The following IL10RB variants were observed in gnomAD, a reference collection of about 807,000 sequenced individuals.
IL10RB encodes the protein interleukin-10 receptor subunit beta.
Under a neutral mutation model 38.7 loss-of-function variants are expected in IL10RB, and 30 were observed. The observed-to-expected ratio is 0.78, with a 90% CI of 0.58 to 1.05. IL10RB has a LOEUF of 1.05. Among genes scored for constraint, IL10RB ranks in the 50% least tolerant of loss-of-function variants. IL10RB has a pLI of 0.00. For missense variants in IL10RB, 328 were observed against 397.1 expected (o/e 0.83, Z 1.48); for synonymous variants, 142 against 145.9 (o/e 0.97, Z 0.19).
rs531973934 is a variant in IL10RB, at chr21:33,286,370, C to T, written c.647-1734C>T. 7.9e-5 allele frequency among the ~76,000 whole-genome samples: 12 copies of T among 152,184 alleles called. No homozygotes were observed. The East Asian group carries it at 1.4e-3, about 17-fold the overall frequency. ...GAGCCAAATGCTGTGCTCGTGAGGG[C>T]GGTGCTGGTTGGCAGGGGATGGGCA... On this transcript the variant is annotated intron_variant, in intron 5 of 6. Transcript: ENST00000290200.
chr21:33,274,721 A>C (rs1163959791), intron 2 of IL10RB, among the ~76,000 whole-genome samples: 3 of 152,216 alleles, frequency 2.0e-5, no homozygotes. Flanking sequence ...CTGTAAACAG[A>C]TGTGCCGTCC....
At chr21:33,302,347 T>TGG (rs1255101559) in intron 1 of IL10RB, among the ~76,000 whole-genome samples, 1 of 152,252 alleles carries the variant, frequency 6.6e-6, no homozygotes, top group Non-Finnish European at 1.5e-5. Context: ...AAATGGAAGC[T>TGG]GGGGGTTCCC....
rs540806869 is a variant in IL10RB, at chr21:33,268,091, G to A, written c.50-303G>A. On this transcript the variant is annotated intron_variant, in intron 1 of 6. Transcript: ENST00000290200. ...CAGGAAGTCTCCAGTTTGTTTTTAC[G>A]TCTGGAAATATATCTGAAATCCATG... The A allele has an allele frequency of 4.1e-4, 246 of 596,644 alleles. 1 individual carries two copies. The highest frequency in any genetic ancestry group is 3.8e-3 in the African/African-American group (202 of 52,756). The allele number at this position is 596,644 out of a possible 1,614,324, so 37.0% of individuals were successfully genotyped here. A position where few individuals can be genotyped will look rare whatever the true frequency, so the allele number is the denominator to read the frequency against.
intron 1 of IL10RB, 109 bp downstream of exon 1, chr21:33,266,623 G>C: frequency 1.8e-6 from 2 of 1,115,490 alleles, no homozygotes; most frequent in Non-Finnish European, 2.6e-6. Context: ...AGCCTTCGGG[G>C]CCTCGGGAGA....
intron 1 of IL10RB, among the ~76,000 whole-genome samples, chr21:33,303,111 G>GGAGCC (rs368048443): frequency 2.0e-5 from 3 of 152,260 alleles, no homozygotes; most frequent in African/African-American, 7.2e-5. Context: ...TAGGGAAGGG[G>GGAGCC]GAGCCACGAA....
chr21:33,294,390 CGTGT>C (rs34889428), intron 6 of IL10RB, among the ~76,000 whole-genome samples: 7 of 148,888 alleles, frequency 4.7e-5, no homozygotes, highest in African/African-American at 9.9e-5. Context: ...TGTGTGTGTG[CGTGT>C]GTGTGTGTGT....
rs764413783 is a variant in IL10RB, at chr21:33,283,214, C to G, written c.619C>G (p.Pro207Ala). Reference sequence around the variant, plus strand: ...GAACAAAGCTGGGGAATGGAGTGAGCCTGTCTGTGAGCAAACAACCCATGA... The same window carrying G: ...GAACAAAGCTGGGGAATGGAGTGAGGCTGTCTGTGAGCAAACAACCCATGA... ...DRNKAGEWSE[P>A]VCEQTTHDET... The change falls in exon 5 of 7, where the codon CCT becomes GCT. Residue 207 changes from proline to alanine, a missense_variant. Transcript: ENST00000290200. 6.2e-7 allele frequency: 1 copy of G among 1,613,892 alleles called. No homozygotes were observed. The highest frequency in any genetic ancestry group is 2.2e-5 in the East Asian group (1 of 44,894).
At chr21:33,301,986 T>C (rs901159779), downstream of IL10RB, among the ~76,000 whole-genome samples, 1 of 152,166 alleles carries the variant, frequency 6.6e-6, no homozygotes, top group African/African-American at 2.4e-5. Flanking sequence ...CTTCTACCCA[T>C]GGAAAGCGAC....
chr21:33,286,830 A>T (rs187235470), intron 5 of IL10RB, among the ~76,000 whole-genome samples: 478 of 152,258 alleles, frequency 3.1e-3, no homozygotes, highest in Non-Finnish European at 5.0e-3. Context: ...TCCAGCCTGG[A>T]CAACAGAACA....
intron 4 of IL10RB, among the ~76,000 whole-genome samples, chr21:33,281,581 T>G (rs1234693965): frequency 3.9e-5 from 6 of 152,096 alleles, no homozygotes; most frequent in Non-Finnish European, 8.8e-5. Context: ...CAATACAGGT[T>G]TTTTGGGGGT....
chr21:33,279,679 G>A, intron 3 of IL10RB, 73 bp from the exon 4 acceptor site: 1 of 1,289,064 alleles, frequency 7.8e-7, no homozygotes, highest in Non-Finnish European at 1.1e-6. Flanking sequence ...TGTTCTGCAT[G>A]GTTATGAAAA....
chr21:33,274,216 C>T (rs1989131430), intron 2 of IL10RB, among the ~76,000 whole-genome samples: 1 of 152,242 alleles, frequency 6.6e-6, no homozygotes, highest in South Asian at 2.1e-4. Flanking sequence ...GATGGAGTCT[C>T]ACTCTGTTGC....
intron 2 of IL10RB, among the ~76,000 whole-genome samples, chr21:33,275,411 C>G (rs1260902206): frequency 2.0e-5 from 3 of 152,148 alleles, no homozygotes; most frequent in Non-Finnish European, 4.4e-5. Flanking sequence ...CCACCTCAGA[C>G]TCACAAAGTG....
At chr21:33,288,381 GCA>G (rs59480844) in intron 6 of IL10RB, 120 bp downstream of exon 6, 35,844 of 473,092 alleles carry the variant, frequency 0.076, 162 homozygotes, top group African/African-American at 0.12. Context: ...ACGCGCGCGC[GCA>G]CACACACACA....
At chr21:33,303,820 G>C (rs1479205877) in intron 1 of IL10RB, among the ~76,000 whole-genome samples, 1 of 152,212 alleles carries the variant, frequency 6.6e-6, no homozygotes, top group Non-Finnish European at 1.5e-5. Context: ...GGATACTCCC[G>C]AGGTTGTCAC....
At chr21:33,267,461 C>T (rs1297871468) in intron 1 of IL10RB, among the ~76,000 whole-genome samples, 1 of 139,044 alleles carries the variant, frequency 7.2e-6, no homozygotes, top group East Asian at 2.1e-4. Context: ...TTCAAATTTT[C>T]TTTTCTTTCT....
At chr21:33,295,676 A>G (rs2082962683) in intron 6 of IL10RB, among the ~76,000 whole-genome samples, 1 of 151,422 alleles carries the variant, frequency 6.6e-6, no homozygotes, top group South Asian at 2.1e-4. Context: ...CATCTCAAAA[A>G]AAAAAAAAAA....
intron 3 of IL10RB, among the ~76,000 whole-genome samples, chr21:33,277,483 T>G (rs1019411168): frequency 6.6e-6 from 1 of 151,826 alleles, no homozygotes; most frequent in East Asian, 1.9e-4. Context: ...TAAAGAAGAT[T>G]AGAGGTTAAA....
At chr21:33,288,412 C>G (rs62227994) in intron 6 of IL10RB, 151 bp downstream of exon 6, 16,802 of 700,998 alleles carry the variant, frequency 0.024, 273 homozygotes, top group Non-Finnish European at 0.033. Flanking sequence ...CACAGACACG[C>G]CTCTTGTGTG....
Sources: gnomAD v4.1 joint callset for allele counts (sites outside exome capture counted in the v4.1 genomes callset) on GRCh38, gnomAD v4.1.1 for gene constraint, MANE v1.5 for transcripts, NCBI Gene and HGNC (gene_info 2026-07-23, HGNC 2026-07-21) for gene names.